PRSS23: variants seen among roughly 807,000 people sequenced by gnomAD.
PRSS23 encodes protease, serine 23.
In PRSS23, 25 loss-of-function variants were observed where a neutral mutation model predicts 34.7. The observed-to-expected ratio is 0.72, with a 90% CI of 0.53 to 1.01. The LOEUF (loss-of-function observed/expected upper bound fraction) is 1.01, where lower values mean the gene tolerates loss of function less well. Among genes scored for constraint, PRSS23 ranks in the 50% least tolerant of loss-of-function variants. PRSS23 has a pLI of 0.00. For synonymous variants in PRSS23, 176 were observed against 186.6 expected (o/e 0.94, Z 0.46); for missense variants, 445 against 475.6 (o/e 0.94, Z 0.60).
chr11:86,837,577 G>C (rs1393271694), intron 2 of PRSS23: 1 of 152,072 alleles, frequency 6.6e-6, no homozygotes, highest in Non-Finnish European at 1.5e-5. Context: ...GATTATCCTG[G>C]GCAACATGGT....
At chr11:86,823,326 G>A in intron 1 of PRSS23, 1 of 695,164 alleles carries the variant, frequency 1.4e-6, no homozygotes. Flanking sequence ...ACCTAATTTA[G>A]TGTAAAGCCA....
At chr11:86,835,333 A>G (rs59841049) in intron 2 of PRSS23, among the ~76,000 whole-genome samples, 19 of 152,298 alleles carry the variant, frequency 1.2e-4, no homozygotes, top group Non-Finnish European at 1.5e-4. Flanking sequence ...CGCTACATCA[A>G]TTTCCTTACT....
intron 2 of PRSS23, among the ~76,000 whole-genome samples, chr11:86,943,721 T>G (rs559101767): frequency 3.3e-5 from 5 of 152,162 alleles, no homozygotes; most frequent in African/African-American, 1.2e-4. Context: ...TATCACAAAC[T>G]GGGTGGCCAA....
At chr11:86,844,489 T>G (rs1948471927) in intron 2 of PRSS23, among the ~76,000 whole-genome samples, 1 of 152,206 alleles carries the variant, frequency 6.6e-6, no homozygotes, top group South Asian at 2.1e-4. Flanking sequence ...TGTCAATGAT[T>G]AAACAATAAT....
intron 2 of PRSS23, among the ~76,000 whole-genome samples, chr11:86,845,692 G>A (rs537882900): frequency 6.6e-6 from 1 of 152,196 alleles, no homozygotes; most frequent in African/African-American, 2.4e-5. Context: ...CAGAATTTGT[G>A]CATTGTGTTT....
At chr11:86,903,591 T>G (rs2134986267) in intron 2 of PRSS23, among the ~76,000 whole-genome samples, 1 of 151,540 alleles carries the variant, frequency 6.6e-6, no homozygotes, top group African/African-American at 2.4e-5. Flanking sequence ...CATGCCATTC[T>G]CCTGCCTCAG....
chr11:86,879,516 C>A, intron 2 of PRSS23, among the ~76,000 whole-genome samples: 1 of 131,248 alleles, frequency 7.6e-6, no homozygotes, highest in East Asian at 2.6e-4. Context: ...CAGCCCCCCA[C>A]CCGGCCAGCC....
At chr11:86,878,398 G>A (rs186743717) in intron 2 of PRSS23, among the ~76,000 whole-genome samples, 3 of 151,540 alleles carry the variant, frequency 2.0e-5, no homozygotes, top group Non-Finnish European at 2.9e-5. Context: ...AAGTGCCTGC[G>A]ATTGCAGGCG....
In PRSS23 at chr11:86,900,771, A is replaced by ATC. The variant is rs199994092; in HGVS notation, c.207-50435_207-50434dup. Among the ~76,000 whole-genome samples the ATC allele has an allele frequency of 1.1e-3, 143 of 126,794 alleles. 2 individuals are homozygous for ATC. The highest frequency in any genetic ancestry group is 1.5e-3 in the Non-Finnish European group (97 of 63,362). 83.2% of individuals were successfully genotyped at this position (126,794 alleles called of 152,430 possible). A position where few individuals can be genotyped will look rare whatever the true frequency, so the allele number is the denominator to read the frequency against. ...CACTCCTTCAAATTTCAGCATTATT[A>ATC]TCTCTCTCTCTTTTTTTTTTTTTTT... On this transcript the variant is annotated intron_variant, in intron 2 of 2. Coordinates refer to the PRSS23 transcript ENST00000533902.
intron 2 of PRSS23, among the ~76,000 whole-genome samples, chr11:86,919,977 T>C (rs192301313): frequency 1.6e-3 from 243 of 152,270 alleles, no homozygotes; most frequent in Admixed American, 0.011. Context: ...ACTTGGCCAA[T>C]GTTGCTAAAA....
At chr11:86,914,061 A>G (rs1948996794) in intron 2 of PRSS23, among the ~76,000 whole-genome samples, 1 of 149,698 alleles carries the variant, frequency 6.7e-6, no homozygotes, top group African/African-American at 2.5e-5. Context: ...AAAAAAAAAA[A>G]CCTCAAAGAT....
intron 2 of PRSS23, chr11:86,857,090 G>A (rs749528721): frequency 4.7e-5 from 11 of 234,094 alleles, no homozygotes; most frequent in Non-Finnish European, 7.4e-5. Flanking sequence ...GTTCTGCTGC[G>A]CAGCCTCCAC....
At chr11:86,903,481 CTTT>C (rs10688682) in intron 2 of PRSS23, among the ~76,000 whole-genome samples, 2 of 124,958 alleles carry the variant, frequency 1.6e-5, no homozygotes, top group African/African-American at 3.1e-5. Flanking sequence ...AACATACAAT[CTTT>C]TTTTTTTTTT....
rs112329244 is a variant in PRSS23 at position 86,931,880 on chromosome 11, A to T, written c.207-19336A>T. ...ATTGAGGAAGATAGGAGGCAACTGT[A>T]ATAATCCAGGAGAAGGGTGACGGTA... On this transcript the variant is annotated intron_variant, in intron 2 of 2. Coordinates refer to the PRSS23 transcript ENST00000533902. Among the ~76,000 whole-genome samples the T allele has an allele frequency of 4.6e-3, 701 of 152,228 alleles. 5 individuals are homozygous for T. The highest frequency in any genetic ancestry group is 0.016 in the African/African-American group (677 of 41,532).
chr11:86,807,896 C>T lies in PRSS23; in HGVS notation c.253C>T (p.Leu85=). The T allele has an allele frequency of 6.2e-7, 1 of 1,614,168 alleles. No homozygotes were observed. Among genetic ancestry groups the T allele is most frequent in the Non-Finnish European group, 8.5e-7 (1 of 1,180,032 alleles). ...LPTYEEAKQY[L]SYETLYANGS... is the part of the protein sequence containing the mutation. ...CACTTACGAAGAGGCCAAGCAATAT[C>T]TGTCTTATGAAACGCTCTATGCCAA... Residue 85 remains leucine (L), a synonymous_variant, in exon 2 of 2, where the codon CTG becomes TTG. Coordinates refer to ENST00000280258, the MANE Select transcript of PRSS23 (RefSeq NM_007173.6).
rs1948156192 is a variant in PRSS23 at position 86,809,726 on chromosome 11, A to G, written c.*931A>G. ...TGGATTATAGCACATCTCATGTTTT[A>G]TCATTTGGATGGAGTAATTTAAAAT... On this transcript the variant is annotated 3_prime_UTR_variant, in exon 2 of 2. Transcript: ENST00000280258. 2 of 167,042 alleles carry G rather than the reference A, an allele frequency of 1.2e-5. No individual in the cohort carries two copies. Among genetic ancestry groups the G allele is most frequent in the South Asian group, 4.1e-4 (2 of 4,834 alleles). The allele number at this position is 167,042 out of a possible 1,614,324, so 10.3% of individuals were successfully genotyped here. A position where few individuals can be genotyped will look rare whatever the true frequency, so the allele number is the denominator to read the frequency against.
intron 2 of PRSS23, among the ~76,000 whole-genome samples, chr11:86,900,887 C>A (rs921266809): frequency 6.8e-6 from 1 of 146,572 alleles, no homozygotes; most frequent in African/African-American, 2.5e-5. Context: ...CAGGTTCAAG[C>A]GATTCTCCTG....
intron 2 of PRSS23, among the ~76,000 whole-genome samples, chr11:86,842,207 A>T (rs926730139): frequency 2.0e-5 from 3 of 152,248 alleles, no homozygotes; most frequent in African/African-American, 7.2e-5. Flanking sequence ...ATAGATGCAG[A>T]AAAGACCTTT....
chr11:86,920,094 G>C (rs1226130581), intron 2 of PRSS23, among the ~76,000 whole-genome samples: 1 of 152,120 alleles, frequency 6.6e-6, no homozygotes, highest in East Asian at 1.9e-4. Flanking sequence ...TGTTTTTTAG[G>C]GCTGCTAGTG....
Sources: allele counts gnomAD v4.1 joint callset (sites outside exome capture counted in the v4.1 genomes callset), GRCh38; gene constraint gnomAD v4.1.1; transcripts MANE v1.5; gene names NCBI Gene and HGNC (gene_info 2026-07-23, HGNC 2026-07-21).